The following ADAMTS19 variants were observed in gnomAD, a reference collection of about 807,000 sequenced individuals.
ADAMTS19 encodes ADAM metallopeptidase with thrombospondin type 1 motif 19, also known as A disintegrin and metalloproteinase with thrombospondin motifs 19.
ADAMTS19 carries 93 observed loss-of-function variants against 153.3 expected under a neutral mutation model. The ratio of observed to expected loss-of-function variants is 0.61; its 90% CI spans 0.51 to 0.72. The LOEUF (loss-of-function observed/expected upper bound fraction) is 0.72. Ranked by LOEUF, ADAMTS19 falls within the 30% of genes least tolerant of loss-of-function variation. The pLI, the probability that ADAMTS19 is intolerant of heterozygous loss-of-function variation, is 0.00. For missense variants in ADAMTS19, 1,482 were observed against 1,552.1 expected, an observed-to-expected ratio of 0.95 and a Z score of 0.76; for synonymous variants, 600 against 556.6, an observed-to-expected ratio of 1.08 and a Z score of -1.10.
chr5:129,572,019 G>A (rs1032399198), intron 7 of ADAMTS19, among the ~76,000 whole-genome samples: 1 of 151,832 alleles, frequency 6.6e-6, no homozygotes, highest in Non-Finnish European at 1.5e-5. Flanking sequence ...AATGTAAAAT[G>A]CAAAACTATA....
At chr5:129,504,667 T>C (rs1055109437) in intron 2 of ADAMTS19, among the ~76,000 whole-genome samples, 13 of 152,096 alleles carry the variant, frequency 8.5e-5, no homozygotes, top group African/African-American at 3.1e-4. Context: ...CAAACTCCCT[T>C]TCTCTCCTTC....
intron 2 of ADAMTS19, among the ~76,000 whole-genome samples, chr5:129,465,080 A>G (rs1749809058): frequency 6.6e-6 from 1 of 152,190 alleles, no homozygotes; most frequent in Non-Finnish European, 1.5e-5. Context: ...GTGAAAATAC[A>G]CTTATACCAT....
intron 2 of ADAMTS19, among the ~76,000 whole-genome samples, chr5:129,490,723 T>G (rs1190980842): frequency 6.6e-6 from 1 of 152,176 alleles, no homozygotes. Context: ...ATGTGTCAGT[T>G]TATCCCAGAT....
intron 21 of ADAMTS19, among the ~76,000 whole-genome samples, chr5:129,720,754 G>T (rs114411218): frequency 1.1e-3 from 173 of 152,248 alleles, no homozygotes; most frequent in South Asian, 1.9e-3. Context: ...CTAAACAGGA[G>T]AGTAGTTAAG....
At chr5:129,703,610 T>C (rs1265740814) in intron 20 of ADAMTS19, among the ~76,000 whole-genome samples, 2 of 152,042 alleles carry the variant, frequency 1.3e-5, no homozygotes, top group Non-Finnish European at 2.9e-5. Flanking sequence ...TATATGCTTA[T>C]AATCCCAACT....
At chr5:129,654,011 A>G (rs938157060) in intron 13 of ADAMTS19, among the ~76,000 whole-genome samples, 1 of 152,164 alleles carries the variant, frequency 6.6e-6, no homozygotes, top group Admixed American at 6.5e-5. Context: ...AATATTATTC[A>G]GGGAGGAGGT....
intron 13 of ADAMTS19, among the ~76,000 whole-genome samples, chr5:129,651,717 C>T (rs1478216500): frequency 3.3e-5 from 5 of 152,128 alleles, no homozygotes; most frequent in Non-Finnish European, 5.9e-5. Flanking sequence ...CTTCCAAGTA[C>T]CACACACACA....
intron 3 of ADAMTS19, among the ~76,000 whole-genome samples, chr5:129,525,221 A>G (rs1417194848): frequency 6.6e-6 from 1 of 152,102 alleles, no homozygotes; most frequent in South Asian, 2.1e-4. Flanking sequence ...AGACCCTGCA[A>G]ACTAGGTTTA....
chr5:129,551,635 C>T (rs1370631092), intron 6 of ADAMTS19, among the ~76,000 whole-genome samples: 3 of 151,628 alleles, frequency 2.0e-5, no homozygotes, highest in African/African-American at 7.2e-5. Flanking sequence ...TATTGTCCAT[C>T]ATATGGGAAC....
At chr5:129,531,616 C>A (rs981235987) in intron 6 of ADAMTS19, among the ~76,000 whole-genome samples, 5 of 152,100 alleles carry the variant, frequency 3.3e-5, no homozygotes, top group African/African-American at 1.2e-4. Flanking sequence ...CTGAGCAAGA[C>A]TCTGTCTCAA....
At chr5:129,630,040 G>T (rs2126998083) in intron 10 of ADAMTS19, among the ~76,000 whole-genome samples, 1 of 152,188 alleles carries the variant, frequency 6.6e-6, no homozygotes, top group Non-Finnish European at 1.5e-5. Flanking sequence ...GGATAGAAAA[G>T]TTTATAGTAT....
At chr5:129,551,458 T>G (rs922983662) in intron 6 of ADAMTS19, among the ~76,000 whole-genome samples, 2 of 151,756 alleles carry the variant, frequency 1.3e-5, no homozygotes, top group African/African-American at 4.8e-5. Context: ...TTAAGTTGTA[T>G]TTCTTACATT....
chr5:129,475,340 T>C (rs954657811), intron 2 of ADAMTS19, among the ~76,000 whole-genome samples: 2 of 152,204 alleles, frequency 1.3e-5, no homozygotes, highest in African/African-American at 2.4e-5. Context: ...TACCATACTT[T>C]CCTCATGAAA....
chr5:129,700,692 A>C (rs140924146), intron 19 of ADAMTS19, among the ~76,000 whole-genome samples: 379 of 152,280 alleles, frequency 2.5e-3, no homozygotes, highest in African/African-American at 8.9e-3. Flanking sequence ...TACAAAGAAT[A>C]AGAATAACTC....
chr5:129,583,140 A>G (rs535972561), intron 7 of ADAMTS19, among the ~76,000 whole-genome samples: 1 of 152,226 alleles, frequency 6.6e-6, no homozygotes, highest in African/African-American at 2.4e-5. Flanking sequence ...GCTTGTCTGT[A>G]AAGGATTTTA....
intron 19 of ADAMTS19, among the ~76,000 whole-genome samples, chr5:129,696,539 A>C (rs1755563477): frequency 6.6e-6 from 1 of 152,198 alleles, no homozygotes; most frequent in Non-Finnish European, 1.5e-5. Context: ...ATCAATTTAG[A>C]AGCTTATATT....
intron 21 of ADAMTS19, among the ~76,000 whole-genome samples, chr5:129,710,859 C>A (rs1266293750): frequency 6.6e-6 from 1 of 152,034 alleles, no homozygotes; most frequent in Non-Finnish European, 1.5e-5. Context: ...GATCATGCAC[C>A]CCTGATGTCT....
At chr5:129,675,370 C>G (rs768269738) in intron 16 of ADAMTS19, among the ~76,000 whole-genome samples, 10 of 152,138 alleles carry the variant, frequency 6.6e-5, no homozygotes, top group Non-Finnish European at 2.9e-5. Flanking sequence ...TTCTGGAATT[C>G]TAGTTACACA....
At chr5:129,591,668 T>C (rs921028647) in intron 7 of ADAMTS19, among the ~76,000 whole-genome samples, 2 of 152,016 alleles carry the variant, frequency 1.3e-5, no homozygotes, top group African/African-American at 4.8e-5. Flanking sequence ...TTTTCTTCTG[T>C]TATGCTTCAA....
Sources: allele counts gnomAD v4.1 joint callset (sites outside exome capture counted in the v4.1 genomes callset), GRCh38; gene constraint gnomAD v4.1.1; transcripts MANE v1.5; gene names NCBI Gene and HGNC (gene_info 2026-07-23, HGNC 2026-07-21).